LYRM4: variants seen among roughly 807,000 people sequenced by gnomAD.
LYRM4 encodes the protein LYR motif-containing protein 4.
LYRM4 carries 9 observed loss-of-function variants against 11.7 expected under a neutral mutation model. The observed-to-expected ratio is 0.77, with a 90% CI of 0.46 to 1.34. LYRM4 has a LOEUF of 1.34. Among genes scored for constraint, LYRM4 ranks in the 40% most tolerant of loss-of-function variants. The probability of loss-of-function intolerance (pLI) is 0.00; values close to 1 mark genes in which losing one functional copy is unlikely to be tolerated. For synonymous variants in LYRM4, 42 were observed against 40.4 expected, an observed-to-expected ratio of 1.04 and a Z score of -0.15; for missense variants, 133 against 112.5, an observed-to-expected ratio of 1.18 and a Z score of -0.82.
intron 1 of LYRM4, among the ~76,000 whole-genome samples, chr6:5,221,845 C>T (rs891999793): frequency 6.6e-6 from 1 of 152,212 alleles, no homozygotes; most frequent in Non-Finnish European, 1.5e-5. Flanking sequence ...TCCCTATATG[C>T]AACCAATCAC....
At chr6:5,228,860 C>T (rs36110250) in intron 1 of LYRM4, among the ~76,000 whole-genome samples, 7,300 of 150,840 alleles carry the variant, frequency 0.048, 580 homozygotes, top group African/African-American at 0.16. Flanking sequence ...AAAAATTAGC[C>T]GGGCGTGGTG....
At chr6:5,096,177 A>T in the LYRM4 span, among the ~76,000 whole-genome samples, 1 of 152,154 alleles carries the variant, frequency 6.6e-6, no homozygotes. Context: ...AAGAGTTACA[A>T]TAATAAAAAC....
chr6:5,220,148 T>C (rs1219341188), intron 1 of LYRM4, among the ~76,000 whole-genome samples: 4 of 152,198 alleles, frequency 2.6e-5, no homozygotes, highest in Admixed American at 2.0e-4. Flanking sequence ...AGGATTATAC[T>C]CTTTTCTGAG....
intron 1 of LYRM4, among the ~76,000 whole-genome samples, chr6:5,239,435 C>G (rs879686161): frequency 1.3e-5 from 2 of 151,848 alleles, no homozygotes; most frequent in African/African-American, 2.4e-5. Flanking sequence ...CTGGAAAGGA[C>G]AAATGGAGGG....
chr6:5,092,401 C>G, the LYRM4 span, among the ~76,000 whole-genome samples: 1 of 151,992 alleles, frequency 6.6e-6, no homozygotes, highest in African/African-American at 2.4e-5. Context: ...CTTTTTCTTC[C>G]CATACGTTTT....
chr6:5,167,080 C>A (rs886415211), intron 2 of LYRM4, among the ~76,000 whole-genome samples: 8 of 152,146 alleles, frequency 5.3e-5, no homozygotes, highest in African/African-American at 1.9e-4. Flanking sequence ...CAGCTGTACT[C>A]TCATCACCTG....
At position 5,218,355 on chromosome 6, in the gene LYRM4, G is replaced by C. The variant is rs1001448573; in HGVS notation, c.87-1617C>G. ...GAGGAGGGGATATAAATTTCCTTGG[G>C]AGCAGCGCGGAGGGGGTGTTGGGAG... is the stretch of plus-strand genomic sequence containing the variant. On this transcript the variant is annotated intron_variant, in intron 1 of 2. Transcript: ENST00000330636. The C allele has an allele frequency of 8.1e-6, 8 of 985,094 alleles. 1 individual carries two copies. In the Admixed American group the frequency reaches 1.8e-4, roughly 23 times the overall value. 61.0% of individuals were successfully genotyped at this position (985,094 alleles called of 1,614,324 possible).
the LYRM4 span, among the ~76,000 whole-genome samples, chr6:5,060,399 G>A: frequency 3.3e-5 from 5 of 152,232 alleles, no homozygotes; most frequent in South Asian, 8.3e-4. Context: ...GTACATTCAT[G>A]TAGGCCTTTT....
chr6:5,064,197 G>GAA, the LYRM4 span, among the ~76,000 whole-genome samples: 4 of 150,698 alleles, frequency 2.7e-5, no homozygotes, highest in African/African-American at 4.9e-5. Flanking sequence ...TCTGCTGGCT[G>GAA]AAAAAAAAAG....
chr6:5,149,622 G>A (rs1354776595), intron 2 of LYRM4, among the ~76,000 whole-genome samples: 1 of 151,676 alleles, frequency 6.6e-6, no homozygotes, highest in East Asian at 1.9e-4. Flanking sequence ...TGGGGGTGGG[G>A]GTGGGAAGAG....
the LYRM4 span, chr6:5,033,995 T>C: frequency 6.6e-6 from 1 of 152,312 alleles, no homozygotes; most frequent in Non-Finnish European, 1.5e-5. Context: ...TAGAAACAAG[T>C]GGTCCTTCCT....
chr6:5,243,634 G>A (rs1345904761), intron 1 of LYRM4, among the ~76,000 whole-genome samples: 2 of 152,158 alleles, frequency 1.3e-5, no homozygotes, highest in Admixed American at 6.5e-5. Flanking sequence ...TTGAGAGACC[G>A]TGGGTTAAAG....
intron 2 of LYRM4, among the ~76,000 whole-genome samples, chr6:5,189,942 C>A (rs1760658312): frequency 6.6e-6 from 1 of 152,188 alleles, no homozygotes; most frequent in African/African-American, 2.4e-5. Context: ...ATACTGTTGT[C>A]TCCATTTAAT....
rs58645002 is a variant in LYRM4 at position 5,233,318 on chromosome 6, A to T, written c.87-16580T>A. Among the ~76,000 whole-genome samples the T allele has an allele frequency of 9.1e-3, 1,392 of 152,370 alleles. 18 individuals carry two copies. The highest frequency in any genetic ancestry group is 0.032 in the African/African-American group (1,324 of 41,584). ...GAACCAGCATTTCCCAGCATGTGTT[A>T]TGTGAAAATACTAGTCCTAAGTGAG... On this transcript the variant is annotated intron_variant, in intron 1 of 2. Transcript: ENST00000330636.
At chr6:5,113,696 A>G (rs1161635338) in intron 2 of LYRM4, among the ~76,000 whole-genome samples, 1 of 151,122 alleles carries the variant, frequency 6.6e-6, no homozygotes. Context: ...CTGCTCCTCT[A>G]CCAGGTCCCA....
chr6:5,112,595 G>A (rs1762932945), intron 2 of LYRM4, among the ~76,000 whole-genome samples: 1 of 152,246 alleles, frequency 6.6e-6, no homozygotes, highest in Non-Finnish European at 1.5e-5. Context: ...GGCACCTTGT[G>A]CGGGTGAGAC....
chr6:5,069,043 A>G, the LYRM4 span, among the ~76,000 whole-genome samples: 2 of 147,666 alleles, frequency 1.4e-5, no homozygotes, highest in Non-Finnish European at 3.0e-5. Flanking sequence ...ACAAGTTAGT[A>G]CAAGTTTATT....
At chr6:5,114,481 C>T (rs536427672) in intron 2 of LYRM4, among the ~76,000 whole-genome samples, 4 of 152,242 alleles carry the variant, frequency 2.6e-5, no homozygotes, top group Non-Finnish European at 4.4e-5. Flanking sequence ...AAACGAAGGC[C>T]GGTGCAGAGA....
intron 2 of LYRM4, among the ~76,000 whole-genome samples, chr6:5,166,353 G>C (rs1759087161): frequency 6.6e-6 from 1 of 152,240 alleles, no homozygotes; most frequent in African/African-American, 2.4e-5. Flanking sequence ...GCGGAGAGCT[G>C]AGTGTTTGAC....
Sources: allele counts gnomAD v4.1 joint callset (sites outside exome capture counted in the v4.1 genomes callset), GRCh38; gene constraint gnomAD v4.1.1; transcripts MANE v1.5; gene names NCBI Gene and HGNC (gene_info 2026-07-23, HGNC 2026-07-21).